MTO1: variants seen among roughly 807,000 people sequenced by gnomAD.
The protein encoded by MTO1 is mitochondrial tRNA translation optimization 1.
MTO1 carries 46 observed loss-of-function variants against 71.6 expected under a neutral mutation model. That is an observed-to-expected ratio of 0.64 (90% CI 0.51 to 0.82). The LOEUF (loss-of-function observed/expected upper bound fraction) is 0.82, where lower values mean the gene tolerates loss of function less well. Ranked by LOEUF, MTO1 falls within the 40% of genes least tolerant of loss-of-function variation. The pLI is 0.00. For synonymous variants in MTO1, 297 were observed against 312.1 expected, an observed-to-expected ratio of 0.95 and a Z score of 0.51; for missense variants, 773 against 867.5, an observed-to-expected ratio of 0.89 and a Z score of 1.37.
intron 9 of MTO1, among the ~76,000 whole-genome samples, chr6:73,491,396 C>CAAAAAA (rs1223217073): frequency 1.5e-5 from 2 of 133,728 alleles, no homozygotes; most frequent in Admixed American, 8.1e-5. Flanking sequence ...CCTGTCTCTA[C>CAAAAAA]AAAAAAAAAA....
chr6:73,493,724 C>G lies in MTO1; in HGVS notation c.1756+1372C>G, dbSNP rs1348316398. 2.0e-5 allele frequency among the ~76,000 whole-genome samples: 3 copies of G among 151,668 alleles called. No homozygotes were observed. The East Asian group carries it at 5.8e-4, about 29-fold the overall frequency. The stretch of plus-strand genomic sequence containing the variant: ...TATATCTTTATATATTTTTTTAACC[C>G]TGAACTTTCTTTTTATACTCTCCCC... On this transcript the variant is annotated intron_variant, in intron 10 of 11. Transcript: ENST00000498286.
intron 3 of MTO1, among the ~76,000 whole-genome samples, chr6:73,470,362 A>G (rs1771115509): frequency 6.6e-6 from 1 of 151,676 alleles, no homozygotes; most frequent in Non-Finnish European, 1.5e-5. Flanking sequence ...ACGTGCCACC[A>G]TGCCCGGCTA....
chr6:73,472,429 AACTT>A (rs1309400830), intron 3 of MTO1, among the ~76,000 whole-genome samples: 25 of 148,680 alleles, frequency 1.7e-4, no homozygotes, highest in Admixed American at 9.9e-4. Context: ...AATTGAGACT[AACTT>A]TTTAGTGCTG....
intron 1 of MTO1, among the ~76,000 whole-genome samples, chr6:73,465,307 G>T (rs1197163496): frequency 6.6e-6 from 1 of 151,940 alleles, no homozygotes; most frequent in Non-Finnish European, 1.5e-5. Context: ...GGGATTACAG[G>T]TGCAAACTGC....
At chr6:73,487,197 A>AT (rs4032698) in intron 9 of MTO1, among the ~76,000 whole-genome samples, 37 of 104,060 alleles carry the variant, frequency 3.6e-4, no homozygotes, top group Admixed American at 1.0e-3. Flanking sequence ...CCTGCTTTCA[A>AT]TTTTTTTTTT....
chr6:73,475,014 C>T (rs1771270091), intron 4 of MTO1, among the ~76,000 whole-genome samples: 1 of 152,152 alleles, frequency 6.6e-6, no homozygotes. Context: ...CTCAGCCTCC[C>T]AAAGTGCTAG....
rs763521200 is a variant in MTO1, at chr6:73,482,090, C to G, written c.1311C>G (p.Pro437=). ...GTCTTCGGGTCAGTCGCAAGCCTCCCTTTGTGGTTAGCCGAACAGAAGGTT... is the reference window on the plus strand; with the variant it reads ...GTCTTCGGGTCAGTCGCAAGCCTCCGTTTGTGGTTAGCCGAACAGAAGGTT... ...NASLRVSRKP[P]FVVSRTEGYI... Residue 437 remains proline (P), a synonymous_variant, in exon 8 of 12, where the codon CCC becomes CCG. Transcript: ENST00000498286. 3 of 1,614,142 alleles carry G rather than the reference C, an allele frequency of 1.9e-6. No individual in the cohort carries two copies. Among genetic ancestry groups the G allele is most frequent in the Non-Finnish European group, 2.5e-6 (3 of 1,180,024 alleles).
At chr6:73,494,235 TAAAAA>T (rs561028580) in intron 10 of MTO1, among the ~76,000 whole-genome samples, 3 of 148,108 alleles carry the variant, frequency 2.0e-5, no homozygotes, top group African/African-American at 7.4e-5. Context: ...GACTTCATCT[TAAAAA>T]AAAAAGAAAA....
At chr6:73,468,638 C>T (rs1360812291) in intron 3 of MTO1, among the ~76,000 whole-genome samples, 10 of 151,488 alleles carry the variant, frequency 6.6e-5, no homozygotes, top group Admixed American at 5.9e-4. Context: ...GACAGAGTCT[C>T]ACTCTGTCAC....
chr6:73,475,369 G>A (rs1771282828), intron 4 of MTO1, among the ~76,000 whole-genome samples: 5 of 151,926 alleles, frequency 3.3e-5, no homozygotes, highest in South Asian at 2.1e-4. Context: ...TGCAGCCTCC[G>A]CCCCCTGGGT....
intron 4 of MTO1, among the ~76,000 whole-genome samples, chr6:73,476,035 A>C (rs1251546070): frequency 6.6e-6 from 1 of 152,112 alleles, no homozygotes; most frequent in Non-Finnish European, 1.5e-5. Context: ...GATTTCAGAC[A>C]TAGCAGAGCA....
At chr6:73,469,186 G>A (rs1387382474) in intron 3 of MTO1, among the ~76,000 whole-genome samples, 1 of 151,852 alleles carries the variant, frequency 6.6e-6, no homozygotes, top group East Asian at 2.0e-4. Flanking sequence ...CAATTTTTTT[G>A]GAGACGTGGG....
rs945281763 is a variant in MTO1, at chr6:73,503,551, A to C, written c.*2816A>C. ...TGATGCCCTAGGAAGAAATCAGCTA[A>C]AAATGTAACCTTACTCAATGTAGTT... On this transcript the variant is annotated 3_prime_UTR_variant, in exon 12 of 12. Coordinates refer to ENST00000498286, the MANE Select transcript of MTO1 (RefSeq NM_012123.4). 31 of 152,356 alleles carry C rather than the reference A, an allele frequency of 2.0e-4. No individual in the cohort carries two copies. Among genetic ancestry groups the C allele is most frequent in the Admixed American group, 1.6e-3 (24 of 15,302 alleles). The allele number at this position is 152,356 out of a possible 1,614,324, so 9.4% of individuals were successfully genotyped here. A position where few individuals can be genotyped will look rare whatever the true frequency, so the allele number is the denominator to read the frequency against.
intron 9 of MTO1, chr6:73,486,889 C>T (rs1582691663): frequency 6.2e-6 from 1 of 162,582 alleles, no homozygotes; most frequent in Non-Finnish European, 1.4e-5. Context: ...CCCAGGAGGT[C>T]GAGGCTGCAA....
At chr6:73,487,671 G>C (rs1295859845) in intron 9 of MTO1, 1 of 151,302 alleles carries the variant, frequency 6.6e-6, no homozygotes, top group East Asian at 1.9e-4. Flanking sequence ...ATCAGCACAG[G>C]AGTTTTGGCT....
At chr6:73,499,301 G>A (rs998744578) in intron 11 of MTO1, among the ~76,000 whole-genome samples, 2 of 152,010 alleles carry the variant, frequency 1.3e-5, no homozygotes, top group Admixed American at 1.3e-4. Flanking sequence ...GATAATCATA[G>A]GCTACACTGC....
At position 73,505,256 on chromosome 6, in the gene MTO1, G is replaced by A. The variant is rs551395791; in HGVS notation, c.*4521G>A. The A allele has an allele frequency of 6.6e-6, 1 of 152,232 alleles. No individual in the cohort carries two copies. Among genetic ancestry groups the A allele is most frequent in the Admixed American group, 6.5e-5 (1 of 15,280 alleles). 9.4% of individuals were successfully genotyped at this position (152,232 alleles called of 1,614,324 possible). On this transcript the variant is annotated 3_prime_UTR_variant, in exon 12 of 12. Transcript: ENST00000498286. Reference sequence around the variant, plus strand: ...TAGCCAAAAGCTGGAAGTAGCCCAAGTATCCACCAATGAATGAAAGGATAA... The same window carrying A: ...TAGCCAAAAGCTGGAAGTAGCCCAAATATCCACCAATGAATGAAAGGATAA...
intron 4 of MTO1, among the ~76,000 whole-genome samples, chr6:73,476,625 A>G (rs1409336078): frequency 1.3e-5 from 2 of 151,954 alleles, no homozygotes; most frequent in Admixed American, 6.6e-5. Context: ...GGTAATATAC[A>G]CATTTATTCT....
At chr6:73,471,206 CT>C (rs11384040) in intron 3 of MTO1, among the ~76,000 whole-genome samples, 6 of 144,096 alleles carry the variant, frequency 4.2e-5, no homozygotes, top group Non-Finnish European at 3.0e-5. Context: ...GGAGGCCATG[CT>C]TTTTTTTTTT....
Sources: gnomAD v4.1 joint callset for allele counts (sites outside exome capture counted in the v4.1 genomes callset) on GRCh38, gnomAD v4.1.1 for gene constraint, MANE v1.5 for transcripts, NCBI Gene and HGNC (gene_info 2026-07-23, HGNC 2026-07-21) for gene names.